Variants in SETD7 observed in about 807,000 individuals in gnomAD.
SETD7 encodes the protein SET domain containing 7, histone lysine methyltransferase, also known as histone-lysine N-methyltransferase SETD7.
A neutral mutation model predicts 41.8 loss-of-function variants in SETD7; 16 were observed. The observed-to-expected ratio is 0.38, with a 90% CI of 0.26 to 0.58. The LOEUF is 0.58. SETD7 is among the 20% of genes least tolerant of loss of function. The pLI is 0.64. For missense variants in SETD7, 346 were observed against 459.7 expected, an observed-to-expected ratio of 0.75 and a Z score of 2.26; for synonymous variants, 163 against 169.7, an observed-to-expected ratio of 0.96 and a Z score of 0.31.
At chr4:139,519,984 T>A (rs911670986) in intron 6 of SETD7, among the ~76,000 whole-genome samples, 2 of 152,162 alleles carry the variant, frequency 1.3e-5, no homozygotes, top group African/African-American at 4.8e-5. Context: ...AGGTCATGAG[T>A]TAGTTATTTA....
rs1726849984 is a variant in SETD7, at chr4:139,510,806, G to A, written c.*857C>T. ...AAAATTGCCATAGTTACCGCTTAGA[G>A]ATACTAGTTTTCTTCTCTTCTTTCT... On this transcript the variant is annotated 3_prime_UTR_variant, in exon 8 of 8. Coordinates refer to ENST00000274031, the MANE Select transcript of SETD7 (RefSeq NM_030648.4). 1 of 152,584 alleles carries A rather than the reference G, an allele frequency of 6.6e-6. No individual in the cohort carries two copies. Among genetic ancestry groups the A allele is most frequent in the South Asian group, 2.1e-4 (1 of 4,828 alleles). 9.5% of individuals were successfully genotyped at this position (152,584 alleles called of 1,614,324 possible). A position where few individuals can be genotyped will look rare whatever the true frequency, so the allele number is the denominator to read the frequency against.
downstream of SETD7, among the ~76,000 whole-genome samples, chr4:139,501,725 G>A (rs1726581300): frequency 1.3e-5 from 2 of 152,128 alleles, no homozygotes; most frequent in Admixed American, 6.5e-5. Flanking sequence ...AGTGATCCCC[G>A]CAAAGCCTGT....
intron 2 of SETD7, among the ~76,000 whole-genome samples, chr4:139,541,660 T>C (rs1235421834): frequency 1.3e-5 from 2 of 152,256 alleles, no homozygotes; most frequent in Non-Finnish European, 1.5e-5. Context: ...TAAGGTTATG[T>C]TCTCATTCAT....
At chr4:139,504,842 A>G (rs1186849256), downstream of SETD7, among the ~76,000 whole-genome samples, 1 of 152,188 alleles carries the variant, frequency 6.6e-6, no homozygotes, top group Non-Finnish European at 1.5e-5. Flanking sequence ...AAGTTGCCCA[A>G]TCTTTCACTT....
chr4:139,550,133 CT>C (rs1381405169), intron 1 of SETD7, among the ~76,000 whole-genome samples: 1 of 152,186 alleles, frequency 6.6e-6, no homozygotes, highest in African/African-American at 2.4e-5. Flanking sequence ...GGTCCACCCA[CT>C]TTGGGTGCTG....
exon 8 of SETD7, chr4:139,496,484 T>C: frequency 1.4e-6 from 1 of 702,418 alleles, no homozygotes. Context: ...GCCCCAAATC[T>C]GCTTCTTTTA....
chr4:139,499,181 T>C (rs1393142609), intron 7 of SETD7, among the ~76,000 whole-genome samples: 3 of 152,252 alleles, frequency 2.0e-5, no homozygotes, highest in Admixed American at 2.0e-4. Context: ...CATAACTGAC[T>C]ATCTTGCTTC....
intron 2 of SETD7, among the ~76,000 whole-genome samples, chr4:139,537,079 G>A (rs532235946): frequency 1.3e-5 from 2 of 152,280 alleles, no homozygotes; most frequent in East Asian, 3.9e-4. Context: ...AGGTTCAAGT[G>A]ATTCTCCTGC....
At chr4:139,503,702 C>G (rs1011192712), downstream of SETD7, among the ~76,000 whole-genome samples, 1 of 151,998 alleles carries the variant, frequency 6.6e-6, no homozygotes, top group African/African-American at 2.4e-5. Flanking sequence ...AACCTCCCTT[C>G]TTCTCTGAGG....
At chr4:139,505,186 T>C (rs888777179), downstream of SETD7, among the ~76,000 whole-genome samples, 2 of 152,216 alleles carry the variant, frequency 1.3e-5, no homozygotes, top group Admixed American at 1.3e-4. Context: ...GTGCCTCGTG[T>C]AGCCCTGCCA....
chr4:139,509,746 C>A lies in SETD7; in HGVS notation c.*1917G>T, dbSNP rs1395286756. On this transcript the variant is annotated 3_prime_UTR_variant, in exon 8 of 8. Transcript: ENST00000274031. ...GGCCCATCCGTCACAGTGTATAGAA[C>A]GGTCTCTTTCTACAGAGTAAGAGTG... is the stretch of plus-strand genomic sequence containing the variant. 3.0e-6 allele frequency: 3 copies of A among 985,352 alleles called. No individual in the cohort carries two copies. Among genetic ancestry groups the A allele is most frequent in the Non-Finnish European group, 3.6e-6 (3 of 829,942 alleles). The allele number at this position is 985,352 out of a possible 1,614,324, so 61.0% of individuals were successfully genotyped here. A position where few individuals can be genotyped will look rare whatever the true frequency, so the allele number is the denominator to read the frequency against.
chr4:139,536,471 G>C (rs1009115990), intron 2 of SETD7, among the ~76,000 whole-genome samples: 6 of 152,158 alleles, frequency 3.9e-5, no homozygotes, highest in African/African-American at 1.4e-4. Flanking sequence ...CAGCACTTTG[G>C]GAGGCCAAGG....
chr4:139,547,199 G>A, intron 1 of SETD7, 150 bp from the exon 2 acceptor site: 1 of 950,184 alleles, frequency 1.1e-6, no homozygotes, highest in Non-Finnish European at 1.5e-6. Flanking sequence ...AGGGTAGTCA[G>A]CGTGCAAAAG....
intron 2 of SETD7, 22 bp downstream of exon 2, chr4:139,546,898 A>G: frequency 6.2e-7 from 1 of 1,614,132 alleles, no homozygotes; most frequent in Non-Finnish European, 8.5e-7. Context: ...CCCAAAGAAC[A>G]AAATAAAACT....
intron 5 of SETD7, 120 bp from the exon 6 acceptor site, chr4:139,520,514 G>A: frequency 1.9e-6 from 1 of 533,732 alleles, no homozygotes. Context: ...ACCCAACTAA[G>A]AAGGGAGGGA....
chr4:139,549,449 G>A lies in SETD7; in HGVS notation c.41-2400C>T, dbSNP rs189239453. Among the ~76,000 whole-genome samples the A allele has an allele frequency of 1.9e-3, 290 of 152,210 alleles. 2 individuals carry two copies. The highest frequency in any genetic ancestry group is 6.8e-3 in the African/African-American group (284 of 41,534). ...TCATATAACATACTGTAAGCCCTTG[G>A]AGGATAGTACTGATCCCAGTTGAGA... On this transcript the variant is annotated intron_variant, in intron 1 of 7. Coordinates refer to ENST00000274031, the MANE Select transcript of SETD7 (RefSeq NM_030648.4).
Position 139,496,522 on chromosome 4 carries a change from C to T in SETD7, c.921-1G>A. 1.4e-6 allele frequency: 1 copy of T among 701,438 alleles called. No homozygotes were observed. Among genetic ancestry groups the T allele is most frequent in the South Asian group, 1.5e-5 (1 of 67,426 alleles). The allele number at this position is 701,438 out of a possible 1,614,324, so 43.5% of individuals were successfully genotyped here. A position where few individuals can be genotyped will look rare whatever the true frequency, so the allele number is the denominator to read the frequency against. Reference sequence around the variant, plus strand: ...CGTTCCCAGGTGATTCTTCTGGCCACTGAAATTGGAGAAGCAACTGGCTGA... The same window carrying T: ...CGTTCCCAGGTGATTCTTCTGGCCATTGAAATTGGAGAAGCAACTGGCTGA... On this transcript the variant is annotated splice_acceptor_variant, in intron 7 of 7. Transcript: ENST00000506866. LOFTEE classifies it high-confidence loss of function.
intron 7 of SETD7, among the ~76,000 whole-genome samples, chr4:139,498,542 C>T (rs1726509279): frequency 6.6e-6 from 1 of 152,230 alleles, no homozygotes; most frequent in Non-Finnish European, 1.5e-5. Context: ...CCCCATGTGG[C>T]CCCTGTAACA....
At chr4:139,503,156 C>T (rs368340833), downstream of SETD7, among the ~76,000 whole-genome samples, 20 of 117,042 alleles carry the variant, frequency 1.7e-4, no homozygotes, top group South Asian at 8.7e-4. Context: ...CCAGTATGGG[C>T]GACAGAGTGA....
Sources: gnomAD v4.1 joint callset for allele counts (sites outside exome capture counted in the v4.1 genomes callset) on GRCh38, gnomAD v4.1.1 for gene constraint, MANE v1.5 for transcripts, NCBI Gene and HGNC (gene_info 2026-07-23, HGNC 2026-07-21) for gene names.